Variants in ADAMTSL3 observed in about 807,000 individuals in gnomAD.
ADAMTSL3 encodes the protein ADAMTS-like protein 3.
ADAMTSL3 carries 128 observed loss-of-function variants against 201.7 expected under a neutral mutation model. That is an observed-to-expected ratio of 0.63 (90% confidence interval 0.55 to 0.73). The LOEUF (loss-of-function observed/expected upper bound fraction) is 0.73. Among genes scored for constraint, ADAMTSL3 ranks in the 30% least tolerant of loss-of-function variants. The probability of loss-of-function intolerance (pLI) is 0.00; values close to 1 mark genes in which losing one functional copy is unlikely to be tolerated. For synonymous variants in ADAMTSL3, 738 were observed against 748.4 expected (o/e 0.99, Z 0.23); for missense variants, 1,990 against 2,119.6 (o/e 0.94, Z 1.20).
At position 83,849,267 on chromosome 15, in the gene ADAMTSL3, C is replaced by A. The variant is rs1272551788; in HGVS notation, c.728-9499C>A. Among the ~76,000 whole-genome samples, 3 of 152,164 alleles carry A rather than the reference C, an allele frequency of 2.0e-5. No individual in the cohort carries two copies. In the East Asian group the frequency reaches 5.8e-4, roughly 29 times the overall value. On this transcript the variant is annotated intron_variant, in intron 7 of 29. Coordinates refer to ENST00000286744, the MANE Select transcript of ADAMTSL3 (RefSeq NM_207517.3). ...TCAGCCTCTTAAGTAGCTGGCACTA[C>A]AGGCATGTACCACCACACCTGGCTA... is the stretch of plus-strand genomic sequence containing the variant.
intron 2 of ADAMTSL3, among the ~76,000 whole-genome samples, chr15:83,701,621 T>A (rs2061779354): frequency 6.6e-6 from 1 of 152,316 alleles, no homozygotes; most frequent in Non-Finnish European, 1.5e-5. Flanking sequence ...TGAATAAGTC[T>A]CACAAGATCT....
At chr15:83,655,596 C>G (rs1275750928) in intron 1 of ADAMTSL3, 133 bp from the exon 2 acceptor site, 2 of 655,488 alleles carry the variant, frequency 3.1e-6, no homozygotes, top group Admixed American at 5.6e-5. Flanking sequence ...GCAGCGGCAA[C>G]CTGGGCCAAC....
At chr15:83,967,682 C>T (rs2067114953) in intron 19 of ADAMTSL3, among the ~76,000 whole-genome samples, 1 of 152,090 alleles carries the variant, frequency 6.6e-6, no homozygotes, top group Non-Finnish European at 1.5e-5. Context: ...GAAAAAAGTA[C>T]TTTAAATTTC....
chr15:83,947,898 A>G (rs1366573315), intron 19 of ADAMTSL3, among the ~76,000 whole-genome samples: 1 of 152,110 alleles, frequency 6.6e-6, no homozygotes, highest in Non-Finnish European at 1.5e-5. Flanking sequence ...GTGGGAAAGC[A>G]AAGGGACAGC....
chr15:83,975,163 G>A (rs935871429), intron 20 of ADAMTSL3, among the ~76,000 whole-genome samples: 21 of 151,990 alleles, frequency 1.4e-4, no homozygotes, highest in African/African-American at 4.1e-4. Context: ...TACCATGCCC[G>A]GCTAATTTTT....
At chr15:83,688,444 C>A (rs1027200437) in intron 2 of ADAMTSL3, among the ~76,000 whole-genome samples, 1 of 151,328 alleles carries the variant, frequency 6.6e-6, no homozygotes, top group Non-Finnish European at 1.5e-5. Flanking sequence ...TCAGCTGTTA[C>A]AAATATGTTC....
chr15:83,970,892 C>G (rs941585750), intron 20 of ADAMTSL3, among the ~76,000 whole-genome samples: 2 of 152,242 alleles, frequency 1.3e-5, no homozygotes, highest in African/African-American at 4.8e-5. Flanking sequence ...TTTATGTCCT[C>G]TACTTTACCA....
chr15:83,762,339 A>T, intron 3 of ADAMTSL3, among the ~76,000 whole-genome samples: 1 of 152,194 alleles, frequency 6.6e-6, no homozygotes, highest in African/African-American at 2.4e-5. Context: ...TTCTGTGGAC[A>T]CACTCTGATC....
intron 19 of ADAMTSL3, among the ~76,000 whole-genome samples, chr15:83,958,903 G>A (rs976953094): frequency 6.6e-6 from 1 of 151,990 alleles, no homozygotes. Flanking sequence ...CAGAGAAAGT[G>A]TAATAAGCAA....
intron 19 of ADAMTSL3, among the ~76,000 whole-genome samples, chr15:83,967,904 A>G (rs1350613687): frequency 6.6e-6 from 1 of 152,236 alleles, no homozygotes; most frequent in Non-Finnish European, 1.5e-5. Flanking sequence ...CTGATCTTTG[A>G]CAAACATGAC....
intron 17 of ADAMTSL3, among the ~76,000 whole-genome samples, chr15:83,937,234 C>T (rs2066477225): frequency 6.6e-6 from 1 of 150,844 alleles, no homozygotes; most frequent in Non-Finnish European, 1.5e-5. Context: ...GCACTATTCA[C>T]AATAGCAAAG....
intron 3 of ADAMTSL3, among the ~76,000 whole-genome samples, chr15:83,746,855 C>A (rs2062555999): frequency 6.6e-6 from 1 of 151,742 alleles, no homozygotes. Context: ...CAAAGTGTGA[C>A]CTTGCCTCTT....
At chr15:83,778,988 A>T (rs1219030522) in intron 4 of ADAMTSL3, among the ~76,000 whole-genome samples, 1 of 152,232 alleles carries the variant, frequency 6.6e-6, no homozygotes, top group Non-Finnish European at 1.5e-5. Context: ...CACAAAACAG[A>T]CTTTAAACCA....
At chr15:84,025,971 C>A (rs557540607) in intron 27 of ADAMTSL3, among the ~76,000 whole-genome samples, 2 of 152,054 alleles carry the variant, frequency 1.3e-5, no homozygotes, top group Non-Finnish European at 2.9e-5. Context: ...AATATATGCA[C>A]GTAATACAAT....
chr15:83,935,606 A>G (rs186685724), intron 17 of ADAMTSL3, among the ~76,000 whole-genome samples: 38 of 152,280 alleles, frequency 2.5e-4, no homozygotes, highest in African/African-American at 8.4e-4. Context: ...CTAAAGACAA[A>G]GAAAATCTCA....
At chr15:83,728,257 G>A (rs950181336) in intron 3 of ADAMTSL3, among the ~76,000 whole-genome samples, 4 of 150,448 alleles carry the variant, frequency 2.7e-5, no homozygotes, top group Non-Finnish European at 4.4e-5. Flanking sequence ...CTTTATAGGC[G>A]AAGTGTGTTT....
intron 3 of ADAMTSL3, among the ~76,000 whole-genome samples, chr15:83,769,420 T>G (rs1422087614): frequency 6.6e-6 from 1 of 152,218 alleles, no homozygotes; most frequent in African/African-American, 2.4e-5. Context: ...AAACTTTATT[T>G]TTTATTATGT....
chr15:83,714,885 C>CT (rs1567093437), intron 3 of ADAMTSL3, among the ~76,000 whole-genome samples: 917 of 14,238 alleles, frequency 0.064, 29 homozygotes, highest in East Asian at 0.18. Flanking sequence ...TCCCTTCCTT[C>CT]CTTCCTTCCT....
At chr15:83,928,430 G>A (rs2066288822) in intron 17 of ADAMTSL3, among the ~76,000 whole-genome samples, 1 of 152,136 alleles carries the variant, frequency 6.6e-6, no homozygotes, top group Admixed American at 6.6e-5. Flanking sequence ...TTGACATGAA[G>A]CTAGTCTTCA....
Sources: gnomAD v4.1 joint callset for allele counts (sites outside exome capture counted in the v4.1 genomes callset) on GRCh38, gnomAD v4.1.1 for gene constraint, MANE v1.5 for transcripts, NCBI Gene and HGNC (gene_info 2026-07-23, HGNC 2026-07-21) for gene names.